The following MAGI2 variants were observed in gnomAD, a reference collection of about 807,000 sequenced individuals.
MAGI2 encodes the protein membrane associated guanylate kinase, WW and PDZ domain containing 2.
A neutral mutation model predicts 133.3 loss-of-function variants in MAGI2; 35 were observed. That is an observed-to-expected ratio of 0.26 (90% CI 0.20 to 0.35). The LOEUF (loss-of-function observed/expected upper bound fraction) is 0.35, where lower values mean the gene tolerates loss of function less well. Ranked by LOEUF, MAGI2 falls within the 10% of genes least tolerant of loss-of-function variation. The probability of loss-of-function intolerance (pLI) is 1.00; values close to 1 mark genes in which losing one functional copy is unlikely to be tolerated. For missense variants in MAGI2, 1,636 were observed against 1,863.4 expected, an observed-to-expected ratio of 0.88 and a Z score of 2.25; for synonymous variants, 729 against 710.6, an observed-to-expected ratio of 1.03 and a Z score of -0.41.
At chr7:78,281,636 T>C (rs956623662) in intron 9 of MAGI2, among the ~76,000 whole-genome samples, 2 of 150,278 alleles carry the variant, frequency 1.3e-5, no homozygotes, top group African/African-American at 4.9e-5. Context: ...TACACATACA[T>C]ACTCTCTCAT....
intron 13 of MAGI2, 138 bp from the exon 14 acceptor site, chr7:78,178,240 G>T (rs560585798): frequency 5.4e-6 from 3 of 555,208 alleles, no homozygotes; most frequent in Non-Finnish European, 9.6e-6. Flanking sequence ...AACCATAGAG[G>T]ATACAAAAAA....
intron 2 of MAGI2, among the ~76,000 whole-genome samples, chr7:78,686,558 T>C (rs943002652): frequency 4.7e-4 from 34 of 72,188 alleles, no homozygotes; most frequent in African/African-American, 1.6e-3. Context: ...AGGAGGAAAG[T>C]GGAAAAAAAA....
intron 1 of MAGI2, among the ~76,000 whole-genome samples, chr7:79,432,543 G>A (rs919502861): frequency 6.6e-6 from 1 of 152,212 alleles, no homozygotes; most frequent in Non-Finnish European, 1.5e-5. Flanking sequence ...GAAGTGAGAT[G>A]GCTGCATTTC....
chr7:79,125,699 T>C, intron 1 of MAGI2: 1 of 528,058 alleles, frequency 1.9e-6, no homozygotes, highest in Non-Finnish European at 3.7e-6. Flanking sequence ...GAGGAAACTT[T>C]GGAGGCAGAA....
At chr7:78,690,419 T>C (rs1816833206) in intron 2 of MAGI2, among the ~76,000 whole-genome samples, 1 of 152,196 alleles carries the variant, frequency 6.6e-6, no homozygotes, top group South Asian at 2.1e-4. Flanking sequence ...CCTGCTTAAC[T>C]GTCATCATAG....
At chr7:78,137,985 A>T (rs1406436547) in intron 16 of MAGI2, among the ~76,000 whole-genome samples, 1 of 152,216 alleles carries the variant, frequency 6.6e-6, no homozygotes, top group Non-Finnish European at 1.5e-5. Context: ...TTAACAAATC[A>T]TATGAAATGT....
At chr7:78,610,272 A>T (rs1051626233) in intron 3 of MAGI2, among the ~76,000 whole-genome samples, 30 of 152,312 alleles carry the variant, frequency 2.0e-4, no homozygotes, top group African/African-American at 7.2e-4. Flanking sequence ...CTTCAGGGTG[A>T]TAGGGAACAC....
intron 1 of MAGI2, among the ~76,000 whole-genome samples, chr7:79,208,345 G>T (rs1475589697): frequency 6.6e-6 from 1 of 151,560 alleles, no homozygotes; most frequent in African/African-American, 2.4e-5. Context: ...AGCAAGAAAA[G>T]AAACAAACAA....
chr7:78,155,325 A>G (rs6951227), intron 16 of MAGI2, among the ~76,000 whole-genome samples: 28,755 of 152,162 alleles, frequency 0.19, 2,935 homozygotes, highest in East Asian at 0.34. Flanking sequence ...GTCAAGAAGG[A>G]TAATCTGGCT....
At chr7:78,182,176 G>A (rs1021854380) in intron 13 of MAGI2, among the ~76,000 whole-genome samples, 1 of 152,132 alleles carries the variant, frequency 6.6e-6, no homozygotes, top group African/African-American at 2.4e-5. Flanking sequence ...CACTTTTTGG[G>A]CTTTTCCTTG....
At chr7:78,676,712 T>TATAATAC (rs1815074264) in intron 2 of MAGI2, among the ~76,000 whole-genome samples, 1 of 152,132 alleles carries the variant, frequency 6.6e-6, no homozygotes, top group Admixed American at 6.6e-5. Flanking sequence ...TCTTATTACA[T>TATAATAC]TATGGATGAA....
rs147545606 is a variant in MAGI2 at position 78,397,747 on chromosome 7, A to T, written c.1046-28534T>A. Among the ~76,000 whole-genome samples, 875 of 152,266 alleles carry T rather than the reference A, an allele frequency of 5.7e-3. 7 individuals carry two copies. The highest frequency in any genetic ancestry group is 0.01 in the Non-Finnish European group (709 of 68,022). ...TGGTGACTCCAGTTTCGCTTCTCAC[A>T]TGACTTCACTGCTACTTAGGACCAA... On this transcript the variant is annotated intron_variant, in intron 6 of 21. Coordinates refer to ENST00000354212, the MANE Select transcript of MAGI2 (RefSeq NM_012301.4).
chr7:78,411,750 C>T (rs1450521101), intron 6 of MAGI2, among the ~76,000 whole-genome samples: 1 of 151,906 alleles, frequency 6.6e-6, no homozygotes, highest in Non-Finnish European at 1.5e-5. Context: ...CCTTTAATAG[C>T]CTTGGGATGG....
chr7:78,837,528 C>T (rs1791743613), intron 2 of MAGI2, among the ~76,000 whole-genome samples: 2 of 152,048 alleles, frequency 1.3e-5, no homozygotes, highest in African/African-American at 4.8e-5. Flanking sequence ...GAGACAAGTT[C>T]TCCATGGTAT....
intron 1 of MAGI2, among the ~76,000 whole-genome samples, chr7:79,167,761 C>T (rs1263790416): frequency 6.6e-6 from 1 of 151,996 alleles, no homozygotes; most frequent in Admixed American, 6.6e-5. Flanking sequence ...TACATTTATG[C>T]CCACCACTGT....
intron 9 of MAGI2, among the ~76,000 whole-genome samples, chr7:78,341,922 A>G (rs897078183): frequency 1.3e-5 from 2 of 152,176 alleles, no homozygotes; most frequent in African/African-American, 4.8e-5. Flanking sequence ...TGACTAAAAC[A>G]CCAAAAGCAA....
intron 1 of MAGI2, among the ~76,000 whole-genome samples, chr7:79,115,914 G>A (rs1306926717): frequency 7.6e-6 from 1 of 131,572 alleles, no homozygotes; most frequent in African/African-American, 3.0e-5. Context: ...AATGAAGAAG[G>A]ATCTACTTGC....
chr7:79,134,634 C>A (rs542547415), intron 1 of MAGI2, among the ~76,000 whole-genome samples: 1 of 152,084 alleles, frequency 6.6e-6, no homozygotes, highest in African/African-American at 2.4e-5. Flanking sequence ...TTTTAAAATT[C>A]AATTATGGCA....
At chr7:78,143,951 C>A (rs371835862) in intron 16 of MAGI2, among the ~76,000 whole-genome samples, 10 of 146,354 alleles carry the variant, frequency 6.8e-5, no homozygotes, top group Non-Finnish European at 1.2e-4. Context: ...GCCACAGACT[C>A]TTTTGTTTCT....
Sources: gnomAD v4.1 joint callset for allele counts (sites outside exome capture counted in the v4.1 genomes callset) on GRCh38, gnomAD v4.1.1 for gene constraint, MANE v1.5 for transcripts, NCBI Gene and HGNC (gene_info 2026-07-23, HGNC 2026-07-21) for gene names.